The following VMA21 variants were observed in gnomAD, a reference collection of about 807,000 sequenced individuals.
The protein encoded by VMA21 is vacuolar ATPase assembly integral membrane protein VMA21.
For missense variants in VMA21, 61 were observed against 80.6 expected (o/e 0.76, Z 0.93); for synonymous variants, 47 against 34.1 (o/e 1.38, Z -1.32).
At chrX:151,403,532 A>G in intron 1 of VMA21, 99 bp from the exon 2 acceptor site, 1 of 637,627 alleles carries the variant, frequency 1.6e-6, no homozygotes, top group Non-Finnish European at 2.6e-6. Context: ...TTCCTCCTGC[A>G]TAGCATCTCA....
chrX:151,397,154 C>G, upstream of VMA21: 2 of 486,959 alleles, frequency 4.1e-6, no homozygotes, highest in Non-Finnish European at 6.0e-6. Flanking sequence ...GCCCGCCGCC[C>G]GGCGCGAACG....
rs1398111012 is a variant in VMA21 at position 151,407,731 on chromosome X, T to C, written c.*2673T>C. On this transcript the variant is annotated 3_prime_UTR_variant, in exon 3 of 3. Transcript: ENST00000330374. The stretch of plus-strand genomic sequence containing the variant: ...AAAGTCTGCTGTAGAATGTATCTGA[T>C]GTCATTAGTTCTTCAAATGGATACC... 5 of 112,003 alleles carry C rather than the reference T, an allele frequency of 4.5e-5. No individual in the cohort carries two copies. The highest frequency in any genetic ancestry group is 7.5e-5 in the Non-Finnish European group (4 of 53,203). The allele number at this position is 112,003 out of a possible 1,213,427, so 9.2% of individuals were successfully genotyped here.
At chrX:151,403,875 A>ATTTC (rs2011259102) in intron 2 of VMA21, 135 bp downstream of exon 2, 2 of 472,608 alleles carry the variant, frequency 4.2e-6, no homozygotes, top group Non-Finnish European at 7.3e-6. Flanking sequence ...TATTGCTCAT[A>ATTTC]ATGAGTCTTT....
intron 1 of VMA21, among the ~76,000 whole-genome samples, chrX:151,399,076 A>T (rs2011217362): frequency 8.9e-6 from 1 of 112,604 alleles, no homozygotes; most frequent in African/African-American, 3.2e-5. Flanking sequence ...AAAATGTCCT[A>T]TAAACAGTAG....
At chrX:151,398,077 G>A (rs937310602) in intron 1 of VMA21, among the ~76,000 whole-genome samples, 1 of 110,421 alleles carries the variant, frequency 9.1e-6, no homozygotes, top group Non-Finnish European at 1.9e-5. Context: ...AGGCGACAAA[G>A]TTAGTATGTA....
intron 1 of VMA21, among the ~76,000 whole-genome samples, chrX:151,402,354 G>C (rs1189500947): frequency 1.8e-5 from 2 of 111,344 alleles, no homozygotes; most frequent in Admixed American, 9.5e-5. Context: ...GCTAATTTTT[G>C]TATTTTTAGT....
chrX:151,399,831 G>A (rs1347004257), intron 1 of VMA21, among the ~76,000 whole-genome samples: 1 of 111,465 alleles, frequency 9.0e-6, no homozygotes, highest in Non-Finnish European at 1.9e-5. Context: ...TGCAGAGCAT[G>A]TGATCAAGAA....
At chrX:151,400,317 T>C (rs2124122339) in intron 1 of VMA21, among the ~76,000 whole-genome samples, 1 of 84,520 alleles carries the variant, frequency 1.2e-5, no homozygotes, top group Non-Finnish European at 2.3e-5. Context: ...GTAGTATTCG[T>C]CTTTCTGCGT....
At chrX:151,402,414 TCA>T (rs1335986315) in intron 1 of VMA21, among the ~76,000 whole-genome samples, 1 of 111,286 alleles carries the variant, frequency 9.0e-6, no homozygotes, top group African/African-American at 3.3e-5. Context: ...ACTCCTGGCC[TCA>T]AGTGATCCGC....
At chrX:151,401,274 A>G (rs1476894342) in intron 1 of VMA21, among the ~76,000 whole-genome samples, 5 of 111,718 alleles carry the variant, frequency 4.5e-5, no homozygotes, top group Non-Finnish European at 9.4e-5. Context: ...CCACTTATTG[A>G]AGGGACTGTC....
intron 1 of VMA21, 88 bp downstream of exon 1, chrX:151,397,449 C>T: frequency 2.9e-6 from 3 of 1,033,462 alleles, no homozygotes; most frequent in African/African-American, 3.7e-5. Context: ...AATGGGTGGG[C>T]GTGAGGTCTG....
At chrX:151,397,101 CGTCGCTGCGGCGCGCCG>C (rs1161202675), upstream of VMA21, 1 of 362,282 alleles carries the variant, frequency 2.8e-6, no homozygotes, top group Non-Finnish European at 4.5e-6. Context: ...AACAGCCCTG[CGTCGCTGCGGCGCGCCG>C]CGCCGCGCCG....
chrX:151,405,104 A>G lies in VMA21; in HGVS notation c.*46A>G, dbSNP rs759636959. 89 of 1,186,795 alleles carry G rather than the reference A, an allele frequency of 7.5e-5. No individual in the cohort carries two copies. The East Asian group carries it at 2.6e-3, about 35-fold the overall frequency. On this transcript the variant is annotated 3_prime_UTR_variant, in exon 3 of 3. Transcript: ENST00000330374. ...AGCATTAAATTCATTTTTTAAAATG[A>G]TAAATGCTGGAGGGGGCCATCTGAT...
At chrX:151,402,226 G>C in intron 1 of VMA21, among the ~76,000 whole-genome samples, 1 of 112,196 alleles carries the variant, frequency 8.9e-6, no homozygotes, top group Non-Finnish European at 1.9e-5. Context: ...GTCTTGCTCT[G>C]TTGCCCAGAC....
upstream of VMA21, chrX:151,396,928 G>GCCGC (rs1248568318): frequency 9.6e-6 from 5 of 521,935 alleles, no homozygotes; most frequent in Non-Finnish European, 1.7e-5. Context: ...CGGCGTAGCC[G>GCCGC]CCGCCCGCCC....
intron 1 of VMA21, among the ~76,000 whole-genome samples, chrX:151,400,233 T>C (rs900606138): frequency 9.2e-6 from 1 of 108,519 alleles, no homozygotes. Context: ...TACTGTTTTA[T>C]TCTCTGTCCC....
intron 1 of VMA21, among the ~76,000 whole-genome samples, chrX:151,397,596 C>T (rs949324052): frequency 9.0e-6 from 1 of 111,566 alleles, no homozygotes; most frequent in Non-Finnish European, 1.9e-5. Flanking sequence ...GGGCCTTCAG[C>T]TCATGCTCCT....
intron 2 of VMA21, 42 bp from the exon 3 acceptor site, chrX:151,404,874 A>T (rs769423417): frequency 1.5e-4 from 176 of 1,197,862 alleles, no homozygotes; most frequent in Non-Finnish European, 1.9e-4. Context: ...TACTTTGGTA[A>T]ATTTTGCAAT....
chrX:151,404,699 C>T (rs1235799600), intron 2 of VMA21, among the ~76,000 whole-genome samples: 1 of 111,968 alleles, frequency 8.9e-6, no homozygotes, highest in Non-Finnish European at 1.9e-5. Context: ...GGATTACAGG[C>T]GTGAGCCACT....
Sources: gnomAD v4.1 joint callset for allele counts (sites outside exome capture counted in the v4.1 genomes callset) on GRCh38, gnomAD v4.1.1 for gene constraint, MANE v1.5 for transcripts, NCBI Gene and HGNC (gene_info 2026-07-23, HGNC 2026-07-21) for gene names.